WDR62: variants seen among roughly 807,000 people sequenced by gnomAD.
WDR62 encodes WD repeat-containing protein 62.
WDR62 carries 112 observed loss-of-function variants against 160.6 expected under a neutral mutation model. The ratio of observed to expected loss-of-function variants is 0.70; its 90% CI spans 0.60 to 0.82. The LOEUF (loss-of-function observed/expected upper bound fraction) is 0.82. WDR62 is among the 40% of genes least tolerant of loss of function. The pLI is 0.00. For missense variants in WDR62, 1,819 were observed against 1,983.8 expected (o/e 0.92, Z 1.58); for synonymous variants, 792 against 815.1 (o/e 0.97, Z 0.48).
chr19:36,073,229 C>A, intron 8 of WDR62, 113 bp from the exon 9 acceptor site: 1 of 1,006,264 alleles, frequency 9.9e-7, no homozygotes, highest in African/African-American at 1.6e-5. Flanking sequence ...GATGGATGGC[C>A]ACAAATACCA....
intron 9 of WDR62, among the ~76,000 whole-genome samples, chr19:36,074,715 C>T (rs1971485221): frequency 6.6e-6 from 1 of 152,084 alleles, no homozygotes; most frequent in South Asian, 2.1e-4. Flanking sequence ...ATGGGGCTGA[C>T]GTTTTTGTTG....
intron 7 of WDR62, among the ~76,000 whole-genome samples, chr19:36,069,675 C>T (rs542177813): frequency 1.8e-4 from 27 of 152,356 alleles, no homozygotes; most frequent in Non-Finnish European, 2.9e-4. Context: ...GCCAAGATCG[C>T]GCCACTGCAC....
chr19:36,084,716 G>T lies in WDR62; in HGVS notation c.1614G>T (p.Leu538=), dbSNP rs774792867. The T allele has an allele frequency of 2.5e-6, 4 of 1,613,784 alleles. No individual in the cohort carries two copies. The Admixed American group carries it at 6.7e-5, about 27-fold the overall frequency. The part of the protein sequence containing the change: ...VKVEAHDAEV[L]CLEYSKPETG... ...TGGAGGCCCATGATGCTGAGGTGCT[G>T]TGCCTGGAGTACTCCAAGCCAGAGA... The change falls in exon 12 of 32, where the codon CTG becomes CTT. Residue 538 remains leucine, a synonymous_variant. Transcript: ENST00000401500.
chr19:36,088,951 G>T lies in WDR62; in HGVS notation c.1769-87G>T. On this transcript the variant is annotated intron_variant, in intron 13 of 31. Coordinates refer to ENST00000401500, the MANE Select transcript of WDR62 (RefSeq NM_001083961.2). ...AGCCTTGATCCCAGCACAGTTGATT[G>T]ATGGCTCTTGCAGTGGAGTTCCCCA... 6 of 1,458,206 alleles carry T rather than the reference G, an allele frequency of 4.1e-6. No homozygotes were observed. In the South Asian group the frequency reaches 6.9e-5, roughly 17 times the overall value. The allele number at this position is 1,458,206 out of a possible 1,614,324, so 90.3% of individuals were successfully genotyped here. A position where few individuals can be genotyped will look rare whatever the true frequency, so the allele number is the denominator to read the frequency against.
In WDR62 at chr19:36,055,026, C is replaced by T. The variant is rs529119484; in HGVS notation, c.55C>T (p.Pro19Ser). 9 of 1,608,394 alleles carry T rather than the reference C, an allele frequency of 5.6e-6. No homozygotes were observed. Among genetic ancestry groups the T allele is most frequent in the Admixed American group, 1.7e-5 (1 of 59,606 alleles). Residue 19 changes from proline to serine, a missense_variant, in exon 1 of 32, where the codon CCC becomes TCC. Transcript: ENST00000401500. ...GCGGAACGATGCAGGGGAGAAGCTG[C>T]CCTCTGTCATGGCGGGAGTTCCGGC... ...YARNDAGEKL[P>S]SVMAGVPARR...
the WDR62 span, among the ~76,000 whole-genome samples, chr19:36,110,454 AGAGT>A: frequency 1.6e-4 from 24 of 152,222 alleles, no homozygotes; most frequent in African/African-American, 5.5e-4. Flanking sequence ...CTGGGCAACA[AGAGT>A]GAAACTCCGT....
In WDR62 at chr19:36,069,279, C is replaced by T. The variant is rs572362296; in HGVS notation, c.882+1269C>T. 4.8e-3 allele frequency among the ~76,000 whole-genome samples: 728 copies of T among 150,456 alleles called. 5 individuals carry two copies. The highest frequency in any genetic ancestry group is 0.017 in the African/African-American group (706 of 40,776). On this transcript the variant is annotated intron_variant, in intron 7 of 31. Coordinates refer to ENST00000401500, the MANE Select transcript of WDR62 (RefSeq NM_001083961.2). Reference sequence around the variant, plus strand: ...GGGGCTCCTCACTTCTCAGACGGGGCGGCTGCCGGGCGGAGGGGCTCCTCA... The same window carrying T: ...GGGGCTCCTCACTTCTCAGACGGGGTGGCTGCCGGGCGGAGGGGCTCCTCA...
chr19:36,089,274 C>G lies in WDR62; in HGVS notation c.1926C>G (p.Tyr642Ter), dbSNP rs371947086. ...YDMDIDITQKYVAVACQDRNV... is the reference protein window; with the variant it reads ...YDMDIDITQK ...TGGACATTGACATCACCCAGAAGTACGTGGCCGTGGCCTGCCAGGACCGCA... is the reference window on the plus strand; with the variant it reads ...TGGACATTGACATCACCCAGAAGTAGGTGGCCGTGGCCTGCCAGGACCGCA... Residue 642 changes from tyrosine to a stop codon, truncating the protein, a stop_gained, in exon 15 of 32, where the codon TAC becomes TAG. Coordinates refer to ENST00000401500, the MANE Select transcript of WDR62 (RefSeq NM_001083961.2). LOFTEE classifies it high-confidence loss of function. 1 of 1,614,182 alleles carries G rather than the reference C, an allele frequency of 6.2e-7. No individual in the cohort carries two copies. The highest frequency in any genetic ancestry group is 1.7e-5 in the Admixed American group (1 of 60,022).
rs1446172968 is a variant in WDR62, at chr19:36,083,256, G to A, written c.1550+15G>A. ...GGAAATCTGAGGCAAGTGGGCCCTG[G>A]CAGTGTCCAGTGTACACCTCCCAGC... On this transcript the variant is annotated intron_variant, in intron 11 of 31. Coordinates refer to ENST00000401500, the MANE Select transcript of WDR62 (RefSeq NM_001083961.2). 1.3e-6 allele frequency: 2 copies of A among 1,582,846 alleles called. No individual in the cohort carries two copies. Among genetic ancestry groups the A allele is most frequent in the East Asian group, 4.6e-5 (2 of 43,514 alleles).
At chr19:36,080,356 C>A (rs1159296761) in intron 9 of WDR62, among the ~76,000 whole-genome samples, 4 of 151,956 alleles carry the variant, frequency 2.6e-5, no homozygotes, top group Non-Finnish European at 4.4e-5. Context: ...CCTCGTGATC[C>A]TCCCGCCTCG....
chr19:36,110,198 C>T, the WDR62 span, among the ~76,000 whole-genome samples: 1 of 151,948 alleles, frequency 6.6e-6, no homozygotes, highest in Non-Finnish European at 1.5e-5. Context: ...GGGCCAGGTG[C>T]GGTGGCTCAT....
At chr19:36,069,548 G>C (rs1971167495) in intron 7 of WDR62, among the ~76,000 whole-genome samples, 1 of 151,908 alleles carries the variant, frequency 6.6e-6, no homozygotes, top group Non-Finnish European at 1.5e-5. Context: ...CCCAGACGAT[G>C]GGCGGCCAGG....
chr19:36,106,916 C>G (rs1345935848), downstream of WDR62, among the ~76,000 whole-genome samples: 12 of 152,328 alleles, frequency 7.9e-5, no homozygotes, highest in African/African-American at 2.4e-4. Context: ...AACCACCTGC[C>G]TAGGCCTAGG....
At chr19:36,072,448 G>A (rs1005160153) in intron 8 of WDR62, among the ~76,000 whole-genome samples, 7 of 152,194 alleles carry the variant, frequency 4.6e-5, no homozygotes, top group African/African-American at 1.4e-4. Context: ...TGGGGTTTCG[G>A]GCGTTGGGGT....
chr19:36,110,455 GA>G, the WDR62 span, among the ~76,000 whole-genome samples: 10 of 152,180 alleles, frequency 6.6e-5, no homozygotes, highest in African/African-American at 2.2e-4. Context: ...TGGGCAACAA[GA>G]GTGAAACTCC....
rs1230198560 is a variant in WDR62, at chr19:36,089,066, T to G, written c.1797T>G (p.Cys599Trp). 1 of 1,613,998 alleles carries G rather than the reference T, an allele frequency of 6.2e-7. No individual in the cohort carries two copies. The change falls in exon 14 of 32, where the codon TGT becomes TGG. Residue 599 changes from cysteine to tryptophan, a missense_variant. Cys to Trp is a radical substitution (Grantham distance 215). Transcript: ENST00000401500. ...AGNRDIQMIS[C>W]GADKSIYFRS... ...ACAGAGACATCCAGATGATCAGCTG[T>G]GGGGCTGACAAGAGCATCTACTTTC...
intron 1 of WDR62, among the ~76,000 whole-genome samples, chr19:36,057,916 C>A (rs1970449234): frequency 6.6e-6 from 1 of 152,156 alleles, no homozygotes; most frequent in African/African-American, 2.4e-5. Context: ...AGCTTTGGAG[C>A]CAGACTGCCT....
Position 36,086,812 on chromosome 19 carries a change from G to T in WDR62, c.1768G>T (p.Gly590Cys). The T allele has an allele frequency of 6.2e-7, 1 of 1,609,380 alleles. No homozygotes were observed. ...CTCCATCACCGCCATCAAGTTCGCT[G>T]GTGAGCCCCTTTCTTCCCGCTCCCT... Reference protein sequence around the residue: ...SSSITAIKFAGNRDIQMISCG... With the variant: ...SSSITAIKFACNRDIQMISCG... The change falls in exon 13 of 32, where the codon GGC (glycine) becomes TGC (cysteine). Residue 590 changes from glycine to cysteine, a missense_variant and splice_region_variant. Around this residue, in one of 3 missense-constraint regions of WDR62, gnomAD observed 934 missense variants for 1,157.2 expected, o/e 0.81. Coordinates refer to ENST00000401500, the MANE Select transcript of WDR62 (RefSeq NM_001083961.2).
downstream of WDR62, among the ~76,000 whole-genome samples, chr19:36,107,360 G>C (rs1471544038): frequency 6.6e-6 from 1 of 152,182 alleles, no homozygotes; most frequent in Non-Finnish European, 1.5e-5. Context: ...GCAGGAGCTA[G>C]AAGCTGCCCC....
Sources: gnomAD v4.1 joint callset for allele counts (sites outside exome capture counted in the v4.1 genomes callset) on GRCh38, gnomAD v4.1.1 for gene constraint, gnomAD v4.1.1 regional missense constraint, MANE v1.5 for transcripts, NCBI Gene and HGNC (gene_info 2026-07-23, HGNC 2026-07-21) for gene names.